IGF2BP1: variants seen among roughly 807,000 people sequenced by gnomAD.
IGF2BP1 encodes insulin-like growth factor 2 mRNA-binding protein 1.
In IGF2BP1, 11 loss-of-function variants were observed where a neutral mutation model predicts 74.9. That is an observed-to-expected ratio of 0.15 (90% confidence interval 0.09 to 0.24). IGF2BP1 has a LOEUF of 0.24. Among genes scored for constraint, IGF2BP1 ranks in the 10% least tolerant of loss-of-function variants. The probability of loss-of-function intolerance (pLI) is 1.00; values close to 1 mark genes in which losing one functional copy is unlikely to be tolerated. For missense variants in IGF2BP1, 440 were observed against 757.4 expected (o/e 0.58, Z 4.92); for synonymous variants, 287 against 281.8 (o/e 1.02, Z -0.18).
At chr17:49,035,496 T>TC (rs1310034569) in intron 5 of IGF2BP1, among the ~76,000 whole-genome samples, 1 of 152,244 alleles carries the variant, frequency 6.6e-6, no homozygotes, top group Non-Finnish European at 1.5e-5. Flanking sequence ...CCTGGGCAGA[T>TC]GCGGATGCGA....
At chr17:49,044,924 G>A (rs2042093275) in intron 11 of IGF2BP1, 67 bp from the exon 12 acceptor site, 1 of 1,346,280 alleles carries the variant, frequency 7.4e-7, no homozygotes. Flanking sequence ...AGGGGAACTG[G>A]ATGAAGTGGA....
chr17:49,021,969 CTG>C (rs1269509826), intron 2 of IGF2BP1, among the ~76,000 whole-genome samples: 7 of 152,188 alleles, frequency 4.6e-5, no homozygotes, highest in South Asian at 2.1e-4. Flanking sequence ...ATCTTAATAA[CTG>C]TTAACTATTG....
rs1169758683 is a variant in IGF2BP1 at position 48,997,702 on chromosome 17, G to T, written c.-44G>T. 6.3e-7 allele frequency: 1 copy of T among 1,590,110 alleles called. No homozygotes were observed. Among genetic ancestry groups the T allele is most frequent in the East Asian group, 2.3e-5 (1 of 44,172 alleles). The stretch of plus-strand genomic sequence containing the variant: ...GGAGGCTCGCCGCCCGCGCCCGCTC[G>T]TTCGGCCTTGCCCGGGACCGCGTCC... On this transcript the variant is annotated 5_prime_UTR_variant, in exon 1 of 15. Coordinates refer to ENST00000290341, the MANE Select transcript of IGF2BP1 (RefSeq NM_006546.4). This position sits in a 1 kb window ranked among gnomAD's most constrained non-coding sequence, Gnocchi z 4.8.
chr17:49,028,352 A>G (rs556405558), intron 4 of IGF2BP1, among the ~76,000 whole-genome samples: 5 of 152,312 alleles, frequency 3.3e-5, no homozygotes, highest in South Asian at 2.1e-4. Flanking sequence ...CAAGTTATAA[A>G]TGATTATAAA....
chr17:49,002,336 T>G (rs190098324), intron 2 of IGF2BP1, among the ~76,000 whole-genome samples: 2 of 152,294 alleles, frequency 1.3e-5, no homozygotes, highest in African/African-American at 4.8e-5. Context: ...TAAATATATT[T>G]TAACAATGAT....
At chr17:49,019,940 A>ATATATT (rs1555597807) in intron 2 of IGF2BP1, among the ~76,000 whole-genome samples, 36 of 49,878 alleles carry the variant, frequency 7.2e-4, no homozygotes, top group Admixed American at 4.1e-4. Flanking sequence ...ATATATATAT[A>ATATATT]TATATATATT....
At chr17:49,043,739 A>G (rs1476235421) in intron 10 of IGF2BP1, among the ~76,000 whole-genome samples, 189 bp downstream of exon 10, 2 of 152,074 alleles carry the variant, frequency 1.3e-5, no homozygotes, top group Non-Finnish European at 2.9e-5. Context: ...TCTGCCTAGA[A>G]TGCTCCCGGG....
At position 49,020,161 on chromosome 17, in the gene IGF2BP1, A is replaced by G. The variant is rs2041774952; in HGVS notation, c.237-5457A>G. Reference sequence around the variant, plus strand: ...AGCCTCTTGGGTTCAAGCAATTCTCATGCTTCAAAGTAGCTGGGGTTACAG... The same window carrying G: ...AGCCTCTTGGGTTCAAGCAATTCTCGTGCTTCAAAGTAGCTGGGGTTACAG... On this transcript the variant is annotated intron_variant, in intron 2 of 14. Transcript: ENST00000290341. Among the ~76,000 whole-genome samples the G allele has an allele frequency of 2.6e-5, 4 of 151,486 alleles. No individual in the cohort carries two copies. The South Asian group carries it at 6.3e-4, about 24-fold the overall frequency.
chr17:49,021,009 C>T (rs896036120), intron 2 of IGF2BP1, among the ~76,000 whole-genome samples: 2 of 149,720 alleles, frequency 1.3e-5, no homozygotes, highest in African/African-American at 2.5e-5. Context: ...GGCGTGATGG[C>T]GCATGTGCCT....
chr17:49,028,280 A>G (rs536712384), intron 4 of IGF2BP1, among the ~76,000 whole-genome samples: 1 of 152,376 alleles, frequency 6.6e-6, no homozygotes, highest in African/African-American at 2.4e-5. Context: ...TTCAAGAAAC[A>G]AGTGGATAAT....
intron 2 of IGF2BP1, among the ~76,000 whole-genome samples, chr17:49,017,598 A>T (rs1031629699): frequency 6.6e-6 from 1 of 152,138 alleles, no homozygotes; most frequent in Non-Finnish European, 1.5e-5. Flanking sequence ...GATTAAAATT[A>T]TTTCATATTC....
At chr17:49,023,184 A>T (rs2041812914) in intron 2 of IGF2BP1, among the ~76,000 whole-genome samples, 1 of 152,202 alleles carries the variant, frequency 6.6e-6, no homozygotes, top group Non-Finnish European at 1.5e-5. Context: ...ATTGAATCAC[A>T]AAAAGGTGGT....
At chr17:49,000,309 A>AC (rs893212493) in intron 2 of IGF2BP1, among the ~76,000 whole-genome samples, 2 of 152,088 alleles carry the variant, frequency 1.3e-5, no homozygotes, top group Non-Finnish European at 2.9e-5. Context: ...TTTCTGGGGG[A>AC]CCATTAAGAG....
rs1002442515 is a variant in IGF2BP1 at position 48,997,494 on chromosome 17, C to T, written c.-252C>T. ...GGGGTTTCGGACCGAAGGGAAGAAG[C>T]TGCGCCGTGTCGTCCGTCTCCCTGC... On this transcript the variant is annotated 5_prime_UTR_variant, in exon 1 of 15. Transcript: ENST00000290341. This position sits in a 1 kb window ranked among gnomAD's most constrained non-coding sequence, Gnocchi z 4.8. The T allele has an allele frequency of 2.0e-5, 9 of 457,952 alleles. No individual in the cohort carries two copies. The highest frequency in any genetic ancestry group is 3.5e-5 in the Non-Finnish European group (9 of 258,492). The allele number at this position is 457,952 out of a possible 1,614,324, so 28.4% of individuals were successfully genotyped here.
chr17:49,010,698 A>AGT (rs1436686684), intron 2 of IGF2BP1, among the ~76,000 whole-genome samples: 1 of 152,098 alleles, frequency 6.6e-6, no homozygotes, highest in Non-Finnish European at 1.5e-5. Context: ...CAGGTGGGGA[A>AGT]GTGAGACATA....
Position 49,043,975 on chromosome 17 carries a change from C to G in IGF2BP1, c.1209C>G (p.Pro403=). The change falls in exon 11 of 15, where the codon CCC becomes CCG. Residue 403 remains proline (P), a synonymous_variant. Coordinates refer to ENST00000290341, the MANE Select transcript of IGF2BP1 (RefSeq NM_006546.4). Reference sequence around the variant, plus strand: ...GCCTCCTATCCTGGCAGCAGGCTCCCGAGCAGGAGATGGTGCAGGTGTTTA... The same window carrying G: ...GCCTCCTATCCTGGCAGCAGGCTCCGGAGCAGGAGATGGTGCAGGTGTTTA... ...AAPYSSFMQA[P]EQEMVQVFIP... is the part of the protein sequence containing the mutation. 1.9e-6 allele frequency: 3 copies of G among 1,613,782 alleles called. No individual in the cohort carries two copies. Among genetic ancestry groups the G allele is most frequent in the Non-Finnish European group, 2.5e-6 (3 of 1,179,900 alleles).
rs2041678594 is a variant in IGF2BP1, at chr17:49,015,046, C to G, written c.237-10572C>G. 3 of 598,838 alleles carry G rather than the reference C, an allele frequency of 5.0e-6. No individual in the cohort carries two copies. The South Asian group carries it at 2.2e-4, about 43-fold the overall frequency. The allele number at this position is 598,838 out of a possible 1,614,324, so 37.1% of individuals were successfully genotyped here. A position where few individuals can be genotyped will look rare whatever the true frequency, so the allele number is the denominator to read the frequency against. On this transcript the variant is annotated intron_variant, in intron 2 of 14. Coordinates refer to ENST00000290341, the MANE Select transcript of IGF2BP1 (RefSeq NM_006546.4). ...AGTGCCTGAGCGTGTGTCCTGTCGC[C>G]CAGGCTGGAGTGCAGTGGCGTGATC...
chr17:49,040,232 C>T, intron 7 of IGF2BP1, 141 bp downstream of exon 7: 1 of 1,006,930 alleles, frequency 9.9e-7, no homozygotes, highest in Non-Finnish European at 1.5e-6. Context: ...GAAATAAAAT[C>T]TTTCTTCTTA....
chr17:48,998,420 G>A (rs1390085186), intron 1 of IGF2BP1, among the ~76,000 whole-genome samples: 1 of 152,254 alleles, frequency 6.6e-6, no homozygotes, highest in African/African-American at 2.4e-5. Flanking sequence ...CCCTCCAGCA[G>A]GACTTGCAAG....
Sources: allele counts gnomAD v4.1 joint callset (sites outside exome capture counted in the v4.1 genomes callset), GRCh38; gene constraint gnomAD v4.1.1; non-coding constraint Gnocchi (gnomAD v3.1); transcripts MANE v1.5; gene names NCBI Gene and HGNC (gene_info 2026-07-23, HGNC 2026-07-21).